OXR1: variants seen among roughly 807,000 people sequenced by gnomAD.
OXR1 encodes the protein oxidation resistance 1.
A neutral mutation model predicts 104.6 loss-of-function variants in OXR1; 41 were observed. That is an observed-to-expected ratio of 0.39 (90% CI 0.31 to 0.51). OXR1 has a LOEUF of 0.51. Among genes scored for constraint, OXR1 ranks in the 20% least tolerant of loss-of-function variants. The pLI, the probability that OXR1 is intolerant of heterozygous loss-of-function variation, is 0.77. For missense variants in OXR1, 955 were observed against 1,031.9 expected (o/e 0.93, Z 1.02); for synonymous variants, 348 against 348.4 (o/e 1.00, Z 0.01).
At chr8:106,671,794 A>G (rs1827011279) in intron 3 of OXR1, among the ~76,000 whole-genome samples, 1 of 131,182 alleles carries the variant, frequency 7.6e-6, no homozygotes, top group Non-Finnish European at 1.6e-5. Context: ...CAGGAAGGGG[A>G]ACATCACACA....
intron 3 of OXR1, among the ~76,000 whole-genome samples, chr8:106,668,032 G>A (rs1206225291): frequency 1.3e-5 from 2 of 150,874 alleles, no homozygotes; most frequent in Middle Eastern, 3.5e-3. Context: ...TTTTAGGTGG[G>A]ATATATTTAA....
intron 3 of OXR1, among the ~76,000 whole-genome samples, chr8:106,584,671 A>C (rs1169171434): frequency 1.3e-5 from 2 of 152,168 alleles, no homozygotes; most frequent in African/African-American, 4.8e-5. Flanking sequence ...TATGAGTAGA[A>C]TAAAGCCATT....
chr8:106,704,431 G>T (rs1368778813), intron 8 of OXR1, among the ~76,000 whole-genome samples: 3 of 95,046 alleles, frequency 3.2e-5, no homozygotes, highest in African/African-American at 1.3e-4. Flanking sequence ...TTTTGAGATG[G>T]AGTCTCGCTC....
chr8:106,276,152 G>A (rs958484114), intron 1 of OXR1, among the ~76,000 whole-genome samples: 1 of 152,180 alleles, frequency 6.6e-6, no homozygotes, highest in Non-Finnish European at 1.5e-5. Flanking sequence ...TCCTAAAGAA[G>A]GTGAAAGAGA....
chr8:106,567,895 G>A (rs907791215), intron 3 of OXR1, among the ~76,000 whole-genome samples: 2 of 152,054 alleles, frequency 1.3e-5, no homozygotes, highest in Non-Finnish European at 2.9e-5. Context: ...AACAGCCACT[G>A]AACAATGTCT....
intron 2 of OXR1, among the ~76,000 whole-genome samples, chr8:106,418,666 A>G (rs866369364): frequency 1.3e-5 from 2 of 152,308 alleles, no homozygotes; most frequent in South Asian, 4.1e-4. Flanking sequence ...CCGAAGAGGA[A>G]TTCATGTTCA....
chr8:106,395,659 A>T (rs1817746877), intron 2 of OXR1, among the ~76,000 whole-genome samples: 1 of 152,124 alleles, frequency 6.6e-6, no homozygotes, highest in African/African-American at 2.4e-5. Context: ...GATACATAAA[A>T]GTATAGATAT....
chr8:106,347,051 GA>G (rs1480745051), intron 1 of OXR1, among the ~76,000 whole-genome samples: 2 of 151,932 alleles, frequency 1.3e-5, no homozygotes, highest in Admixed American at 1.3e-4. Context: ...TCAAAGAAAA[GA>G]AAAACAAAAA....
intron 1 of OXR1, among the ~76,000 whole-genome samples, chr8:106,341,335 T>C (rs1274720085): frequency 6.6e-6 from 1 of 151,694 alleles, no homozygotes; most frequent in East Asian, 1.9e-4. Flanking sequence ...AAATAGTACA[T>C]CTTTTTAGAA....
chr8:106,505,281 C>T (rs936622860), intron 2 of OXR1, among the ~76,000 whole-genome samples: 5 of 152,126 alleles, frequency 3.3e-5, no homozygotes, highest in African/African-American at 7.2e-5. Flanking sequence ...GGTGTGAAGC[C>T]TATGAGGAGG....
intron 3 of OXR1, among the ~76,000 whole-genome samples, chr8:106,573,962 T>C (rs1364766961): frequency 6.6e-6 from 1 of 152,182 alleles, no homozygotes; most frequent in Non-Finnish European, 1.5e-5. Flanking sequence ...TTAGATGGCT[T>C]CTGAGACATC....
At chr8:106,314,454 A>G (rs1045268628) in intron 1 of OXR1, among the ~76,000 whole-genome samples, 1 of 152,202 alleles carries the variant, frequency 6.6e-6, no homozygotes, top group Non-Finnish European at 1.5e-5. Flanking sequence ...AATTACTTCT[A>G]TATATAAGAC....
chr8:106,406,865 C>T (rs1818259185), intron 2 of OXR1, among the ~76,000 whole-genome samples: 1 of 152,088 alleles, frequency 6.6e-6, no homozygotes, highest in South Asian at 2.1e-4. Context: ...ATAGCACGTC[C>T]ATATAAATTT....
At chr8:106,274,894 T>TG (rs1811973433) in intron 1 of OXR1, among the ~76,000 whole-genome samples, 2 of 152,334 alleles carry the variant, frequency 1.3e-5, no homozygotes, top group East Asian at 3.9e-4. Context: ...CACCTGTCAT[T>TG]GGACTACGTG....
At chr8:106,635,649 T>A (rs1823070580) in intron 3 of OXR1, among the ~76,000 whole-genome samples, 1 of 152,118 alleles carries the variant, frequency 6.6e-6, no homozygotes, top group Non-Finnish European at 1.5e-5. Context: ...TTTGCCATGT[T>A]CCCAAGGCTG....
intron 2 of OXR1, among the ~76,000 whole-genome samples, chr8:106,401,527 T>A (rs1051848307): frequency 1.7e-4 from 26 of 152,240 alleles, no homozygotes; most frequent in South Asian, 4.1e-4. Context: ...TGCACTGTAA[T>A]TCACCTGTAG....
intron 2 of OXR1, among the ~76,000 whole-genome samples, chr8:106,492,154 C>T (rs996591810): frequency 2.6e-5 from 4 of 152,190 alleles, no homozygotes; most frequent in Non-Finnish European, 5.9e-5. Flanking sequence ...TAAAATTCCC[C>T]TGATACCCTG....
At chr8:106,503,158 T>C (rs1811920696) in intron 2 of OXR1, among the ~76,000 whole-genome samples, 4 of 152,146 alleles carry the variant, frequency 2.6e-5, no homozygotes, top group Admixed American at 2.0e-4. Context: ...ATAAAAATTT[T>C]AAACTAGAAA....
At chr8:106,656,305 A>C (rs999372624) in intron 3 of OXR1, 1 of 152,448 alleles carries the variant, frequency 6.6e-6, no homozygotes, top group Non-Finnish European at 1.5e-5. Context: ...GGGTGCCAGC[A>C]TAGTTGGTTT....
Sources: allele counts gnomAD v4.1 joint callset (sites outside exome capture counted in the v4.1 genomes callset), GRCh38; gene constraint gnomAD v4.1.1; transcripts MANE v1.5; gene names NCBI Gene and HGNC (gene_info 2026-07-23, HGNC 2026-07-21).